The following MED25 variants were observed in gnomAD, a reference collection of about 807,000 sequenced individuals.
MED25 encodes mediator complex subunit 25.
A neutral mutation model predicts 89.4 loss-of-function variants in MED25; 62 were observed. The observed-to-expected ratio is 0.69, with a 90% confidence interval of 0.57 to 0.86. The LOEUF is 0.86. Among genes scored for constraint, MED25 ranks in the 40% least tolerant of loss-of-function variants. MED25 has a pLI of 0.00. For synonymous variants in MED25, 449 were observed against 427.9 expected, an observed-to-expected ratio of 1.05 and a Z score of -0.61; for missense variants, 905 against 1,005.2, an observed-to-expected ratio of 0.90 and a Z score of 1.35.
Position 49,835,712 on chromosome 19 carries a change from G to C in MED25, c.1747-15G>C, listed in dbSNP as rs1253524565. 3.7e-6 allele frequency: 6 copies of C among 1,606,928 alleles called. No individual in the cohort carries two copies. The highest frequency in any genetic ancestry group is 2.7e-5 in the African/African-American group (2 of 74,676). The stretch of plus-strand genomic sequence containing the variant: ...CCCTGCCCATCTCCCTCACCCCTGT[G>C]TCTCTTCCCACCAGCTCCAGCTCCG... On this transcript the variant is annotated splice_polypyrimidine_tract_variant and intron_variant, in intron 15 of 17. Coordinates refer to ENST00000312865, the MANE Select transcript of MED25 (RefSeq NM_030973.4). The surrounding 1 kb of genome is among the most constrained non-coding windows in gnomAD (Gnocchi z 6.2).
In MED25 at chr19:49,835,311, A is replaced by G; in HGVS notation, c.1674+134A>G. 1.8e-6 allele frequency: 2 copies of G among 1,097,034 alleles called. No individual in the cohort carries two copies. The allele number at this position is 1,097,034 out of a possible 1,614,324, so 68.0% of individuals were successfully genotyped here. On this transcript the variant is annotated intron_variant, in intron 14 of 17. Coordinates refer to ENST00000312865, the MANE Select transcript of MED25 (RefSeq NM_030973.4). The surrounding 1 kb of genome is among the most constrained non-coding windows in gnomAD (Gnocchi z 6.2). Reference sequence around the variant, plus strand: ...GGTGCCTCCAAGCTAAGTCCCACTCAGATTTTCTTGCAGTCTCTCTCCTTT... The same window carrying G: ...GGTGCCTCCAAGCTAAGTCCCACTCGGATTTTCTTGCAGTCTCTCTCCTTT...
chr19:49,828,962 C>T lies in MED25; in HGVS notation c.405-8C>T, dbSNP rs758871852. On this transcript the variant is annotated splice_polypyrimidine_tract_variant and splice_region_variant and intron_variant, in intron 4 of 17. Coordinates refer to ENST00000312865, the MANE Select transcript of MED25 (RefSeq NM_030973.4). ...TGCTGGCTCCATGTCTTCTCTCTTT[C>T]CTGGTAGTGGCCAGACGCACCGGGT... The T allele has an allele frequency of 1.9e-6, 3 of 1,613,910 alleles. No homozygotes were observed. Among genetic ancestry groups the T allele is most frequent in the East Asian group, 2.2e-5 (1 of 44,890 alleles).
In MED25 at chr19:49,834,855, C is replaced by A. The variant is rs2074084025; in HGVS notation, c.1483-131C>A. 5.3e-6 allele frequency: 5 copies of A among 945,884 alleles called. No homozygotes were observed. Among genetic ancestry groups the A allele is most frequent in the African/African-American group, 3.2e-5 (2 of 62,168 alleles). 58.6% of individuals were successfully genotyped at this position (945,884 alleles called of 1,614,324 possible). A position where few individuals can be genotyped will look rare whatever the true frequency, so the allele number is the denominator to read the frequency against. On this transcript the variant is annotated intron_variant, in intron 13 of 17. Coordinates refer to ENST00000312865, the MANE Select transcript of MED25 (RefSeq NM_030973.4). The surrounding 1 kb of genome is among the most constrained non-coding windows in gnomAD (Gnocchi z 4.1). ...GAGCAACCCATAGCACACCTGTTCT[C>A]CTTAACCTTCTATAGCAGAAACCTC... is the stretch of plus-strand genomic sequence containing the variant.
Position 49,832,002 on chromosome 19 carries a change from G to A in MED25, c.1297G>A (p.Val433Met), listed in dbSNP as rs1287538303. 6 of 1,613,956 alleles carry A rather than the reference G, an allele frequency of 3.7e-6. No homozygotes were observed. Among genetic ancestry groups the A allele is most frequent in the Non-Finnish European group, 2.5e-6 (3 of 1,179,932 alleles). ...LTRSLPCQVY[V>M]NHGENLKTEQ... ...GCGGTCACTGCCCTGCCAGGTCTAC[G>A]TGAATCATGGCGAGAACCTGTAGGT... The change falls in exon 11 of 18, where the codon GTG becomes ATG. Residue 433 changes from valine to methionine, a missense_variant. This residue lies in a region of MED25 where 133 missense variants were observed against 220.2 expected (regional missense o/e 0.60). Coordinates refer to ENST00000312865, the MANE Select transcript of MED25 (RefSeq NM_030973.4).
Position 49,835,061 on chromosome 19 carries a change from A to G in MED25, c.1558A>G (p.Lys520Glu). 1 of 1,614,066 alleles carries G rather than the reference A, an allele frequency of 6.2e-7. No individual in the cohort carries two copies. Reference sequence around the variant, plus strand: ...CATGCTCCTGTACTCGTCCAAGAAGAAGATCTTCATGGGCCTCATCCCCTA... The same window carrying G: ...CATGCTCCTGTACTCGTCCAAGAAGGAGATCTTCATGGGCCTCATCCCCTA... Reference protein sequence around the residue: ...VLMLLYSSKKKIFMGLIPYDQ... With the variant: ...VLMLLYSSKKEIFMGLIPYDQ... The change falls in exon 14 of 18, where the codon AAG becomes GAG. Residue 520 changes from lysine (K) to glutamate (E), a missense_variant. By Grantham distance (56) the Lys-to-Glu change is moderately conservative. Coordinates refer to ENST00000312865, the MANE Select transcript of MED25 (RefSeq NM_030973.4). The surrounding 1 kb of genome is among the most constrained non-coding windows in gnomAD (Gnocchi z 6.2).
rs566007006 is a variant in MED25, at chr19:49,834,702, C to T, written c.1483-284C>T. ...GCCGTGGCATTTTATGCCCAAGAAA[C>T]TGGGTCCATGAGGAGCAGGTGGTGG... On this transcript the variant is annotated intron_variant, in intron 13 of 17. Coordinates refer to ENST00000312865, the MANE Select transcript of MED25 (RefSeq NM_030973.4). This position sits in a 1 kb window ranked among gnomAD's most constrained non-coding sequence, Gnocchi z 4.1. The T allele has an allele frequency of 2.6e-5, 13 of 506,152 alleles. No individual in the cohort carries two copies. In the Admixed American group the frequency reaches 4.2e-4, roughly 16 times the overall value. The allele number at this position is 506,152 out of a possible 1,614,324, so 31.4% of individuals were successfully genotyped here.
rs140944899 is a variant in MED25 at position 49,829,885 on chromosome 19, C to A, written c.625C>A (p.Pro209Thr). ...APPALLEPLQPPTDVSQDPRH... is the reference protein window; with the variant it reads ...APPALLEPLQTPTDVSQDPRH... ...CCCGGCCTTGCTGGAGCCGCTGCAG[C>A]CTCCGACAGATGTGAGCCAGGACCC... is the stretch of plus-strand genomic sequence containing the variant. Residue 209 changes from proline to threonine, a missense_variant, in exon 6 of 18, where the codon CCT becomes ACT. By Grantham distance (38) the Pro-to-Thr change is conservative (BLOSUM62 -1). Coordinates refer to ENST00000312865, the MANE Select transcript of MED25 (RefSeq NM_030973.4). This position sits in a 1 kb window ranked among gnomAD's most constrained non-coding sequence, Gnocchi z 4.6. 1 of 1,613,388 alleles carries A rather than the reference C, an allele frequency of 6.2e-7. No individual in the cohort carries two copies. Among genetic ancestry groups the A allele is most frequent in the Non-Finnish European group, 8.5e-7 (1 of 1,179,980 alleles).
rs760237879 is a variant in MED25, at chr19:49,829,131, C to T, written c.525+41C>T. 34 of 1,578,274 alleles carry T rather than the reference C, an allele frequency of 2.2e-5. No individual in the cohort carries two copies. The highest frequency in any genetic ancestry group is 5.6e-5 in the South Asian group (5 of 88,924). On this transcript the variant is annotated intron_variant, in intron 5 of 17. Transcript: ENST00000312865. This position sits in a 1 kb window ranked among gnomAD's most constrained non-coding sequence, Gnocchi z 4.6. ...TCTGAGGGACGAGGGTCTGGGGGCC[C>T]GGAGTCTTGGGTCTGAGGCAGGAGG...
At chr19:49,825,109 A>G (rs1017361297) in intron 3 of MED25, among the ~76,000 whole-genome samples, 7 of 152,154 alleles carry the variant, frequency 4.6e-5, no homozygotes, top group African/African-American at 7.2e-5. Flanking sequence ...AGTTTTCCAC[A>G]TTTCTTTGAC....
rs1475246217 is a variant in MED25 at position 49,831,269 on chromosome 19, G to A, written c.1102-64G>A. 4 of 1,561,016 alleles carry A rather than the reference G, an allele frequency of 2.6e-6. No individual in the cohort carries two copies. In the South Asian group the frequency reaches 4.6e-5, roughly 18 times the overall value. ...TCCTCCTTCCTGGTTTGCCCTCACA[G>A]GATGGCCCCCGGAGGCTCCCGGCCT... On this transcript the variant is annotated intron_variant, in intron 9 of 17. Coordinates refer to ENST00000312865, the MANE Select transcript of MED25 (RefSeq NM_030973.4). The surrounding 1 kb of genome is among the most constrained non-coding windows in gnomAD (Gnocchi z 5.0).
chr19:49,831,485 G>T lies in MED25; in HGVS notation c.1230+24G>T. The T allele has an allele frequency of 6.2e-7, 1 of 1,608,178 alleles. No individual in the cohort carries two copies. The highest frequency in any genetic ancestry group is 1.7e-5 in the Admixed American group (1 of 59,410). On this transcript the variant is annotated intron_variant, in intron 10 of 17. Coordinates refer to ENST00000312865, the MANE Select transcript of MED25 (RefSeq NM_030973.4). This position sits in a 1 kb window ranked among gnomAD's most constrained non-coding sequence, Gnocchi z 5.0. ...AGGTGAGGGGCCTGAGGGTCCATTGGGCACTTGGGACTCCTGGGGCCGTGG... is the reference window on the plus strand; with the variant it reads ...AGGTGAGGGGCCTGAGGGTCCATTGTGCACTTGGGACTCCTGGGGCCGTGG...
Position 49,836,045 on chromosome 19 carries a change from G to A in MED25, c.1965+100G>A, listed in dbSNP as rs2074095450. ...GGGAGGTTGACTGTGGTCAGTGGGT[G>A]TGAATGGGGACCCGCCCAGGGCTTT... On this transcript the variant is annotated intron_variant, in intron 16 of 17. Transcript: ENST00000312865. This position sits in a 1 kb window ranked among gnomAD's most constrained non-coding sequence, Gnocchi z 5.1. 1 of 1,557,624 alleles carries A rather than the reference G, an allele frequency of 6.4e-7. No homozygotes were observed. Among genetic ancestry groups the A allele is most frequent in the Non-Finnish European group, 8.7e-7 (1 of 1,152,452 alleles).
chr19:49,825,602 G>A (rs904124500), intron 3 of MED25, among the ~76,000 whole-genome samples: 6 of 151,740 alleles, frequency 4.0e-5, no homozygotes, highest in African/African-American at 1.5e-4. Flanking sequence ...GGAGGGTGAG[G>A]AGGCGGATCA....
In MED25 at chr19:49,835,117, G is replaced by A; in HGVS notation, c.1614G>A (p.Arg538=). The A allele has an allele frequency of 3.1e-6, 5 of 1,614,074 alleles. No homozygotes were observed. Among genetic ancestry groups the A allele is most frequent in the Non-Finnish European group, 4.2e-6 (5 of 1,180,004 alleles). ...AGAGCGGCTTCGTCAACGGCATCCG[G>A]CAGGTCATCACCAACCACAAGCAGG... ...YDQSGFVNGI[R]QVITNHKQVQ... is the part of the protein sequence containing the mutation. The change falls in exon 14 of 18, where the codon CGG becomes CGA. Residue 538 remains arginine, a synonymous_variant. Transcript: ENST00000312865. The surrounding 1 kb of genome is among the most constrained non-coding windows in gnomAD (Gnocchi z 6.2).
chr19:49,818,738 C>G lies in MED25; in HGVS notation c.180+122C>G. 5 of 967,092 alleles carry G rather than the reference C, an allele frequency of 5.2e-6. No homozygotes were observed. In the Admixed American group the frequency reaches 9.9e-5, roughly 19 times the overall value. 59.9% of individuals were successfully genotyped at this position (967,092 alleles called of 1,614,324 possible). Reference sequence around the variant, plus strand: ...GTTTGAGGGAGGAGGGGCTGGGGGTCTGGACTCCTTGTTCTGAGGGAGGAG... The same window carrying G: ...GTTTGAGGGAGGAGGGGCTGGGGGTGTGGACTCCTTGTTCTGAGGGAGGAG... On this transcript the variant is annotated intron_variant, in intron 2 of 17. Transcript: ENST00000312865.
chr19:49,836,920 C>T lies in MED25; in HGVS notation c.2220C>T (p.Asp740=), dbSNP rs757561877. Residue 740 remains aspartate, a synonymous_variant, in exon 18 of 18, where the codon GAC becomes GAT. Coordinates refer to ENST00000312865, the MANE Select transcript of MED25 (RefSeq NM_030973.4). This position sits in a 1 kb window ranked among gnomAD's most constrained non-coding sequence, Gnocchi z 5.1. ...QPGLQPSVME[D]DILMDLI ...GCCTGCAGCCCAGCGTCATGGAGGA[C>T]GACATCCTCATGGATCTCATCTGAA... 6 of 1,612,984 alleles carry T rather than the reference C, an allele frequency of 3.7e-6. No individual in the cohort carries two copies. Among genetic ancestry groups the T allele is most frequent in the Admixed American group, 1.7e-5 (1 of 59,998 alleles).
chr19:49,819,069 T>C, intron 2 of MED25, 103 bp from the exon 3 acceptor site: 2 of 1,416,494 alleles, frequency 1.4e-6, no homozygotes, highest in Non-Finnish European at 2.0e-6. Context: ...AGCTGAGGAG[T>C]TCCTGGTTCT....
At chr19:49,819,859 C>G (rs1367777953) in intron 3 of MED25, 1 of 182,244 alleles carries the variant, frequency 5.5e-6, no homozygotes, top group Non-Finnish European at 1.2e-5. Context: ...GTGTCTTGCT[C>G]TGTCTCCCAG....
rs766682334 is a variant in MED25 at position 49,829,969 on chromosome 19, G to A, written c.688+21G>A. 6 of 1,604,334 alleles carry A rather than the reference G, an allele frequency of 3.7e-6. No homozygotes were observed. The highest frequency in any genetic ancestry group is 2.2e-5 in the East Asian group (1 of 44,634). On this transcript the variant is annotated intron_variant, in intron 6 of 17. Coordinates refer to ENST00000312865, the MANE Select transcript of MED25 (RefSeq NM_030973.4). This position sits in a 1 kb window ranked among gnomAD's most constrained non-coding sequence, Gnocchi z 4.6. ...GCCTGGTGAGGCCTGGGCACCGTGC[G>A]CGGGGATGGGGGCTCGACGTGTTTC...
Sources: allele counts gnomAD v4.1 joint callset (sites outside exome capture counted in the v4.1 genomes callset), GRCh38; gene constraint gnomAD v4.1.1; regional missense constraint gnomAD v4.1.1; non-coding constraint Gnocchi (gnomAD v3.1); transcripts MANE v1.5; gene names NCBI Gene and HGNC (gene_info 2026-07-23, HGNC 2026-07-21).